Variants in CREB3L3 observed in about 807,000 individuals in gnomAD.
CREB3L3 encodes the protein cAMP responsive element binding protein 3 like 3, also known as cyclic AMP-responsive element-binding protein 3-like protein 3.
A neutral mutation model predicts 44.6 loss-of-function variants in CREB3L3; 40 were observed. The ratio of observed to expected loss-of-function variants is 0.90; its 90% CI spans 0.70 to 1.17. The LOEUF is 1.17. CREB3L3 is among the 50% of genes most tolerant of loss of function. The pLI is 0.00. For synonymous variants in CREB3L3, 273 were observed against 256.3 expected, an observed-to-expected ratio of 1.06 and a Z score of -0.62; for missense variants, 578 against 595.8, an observed-to-expected ratio of 0.97 and a Z score of 0.31.
intron 4 of CREB3L3, among the ~76,000 whole-genome samples, chr19:4,162,231 C>T (rs2041670184): frequency 6.6e-6 from 1 of 151,956 alleles, no homozygotes; most frequent in Non-Finnish European, 1.5e-5. Flanking sequence ...GTCTCGATCT[C>T]CTGACATCAG....
chr19:4,154,625 C>T (rs957488260), intron 1 of CREB3L3, among the ~76,000 whole-genome samples: 5 of 152,076 alleles, frequency 3.3e-5, no homozygotes, highest in African/African-American at 7.2e-5. Context: ...CCTCCTGCCC[C>T]GGCCTCCCAA....
chr19:4,158,892 G>A lies in CREB3L3; in HGVS notation c.458-772G>A, dbSNP rs926970380. Reference sequence around the variant, plus strand: ...CTGCCCAACCAGGATTAGAACCAAGGGTTACCTGACCCAAAGTTTGTGTGC... The same window carrying A: ...CTGCCCAACCAGGATTAGAACCAAGAGTTACCTGACCCAAAGTTTGTGTGC... On this transcript the variant is annotated intron_variant, in intron 3 of 9. Coordinates refer to ENST00000078445, the MANE Select transcript of CREB3L3 (RefSeq NM_032607.3). Among the ~76,000 whole-genome samples the A allele has an allele frequency of 3.3e-5, 5 of 152,144 alleles. No individual in the cohort carries two copies. In the South Asian group the frequency reaches 1.0e-3, roughly 32 times the overall value.
chr19:4,158,787 G>A (rs988657306), intron 3 of CREB3L3, among the ~76,000 whole-genome samples: 2 of 145,812 alleles, frequency 1.4e-5, no homozygotes, highest in African/African-American at 2.6e-5. Context: ...GCGACAGAGC[G>A]AGACTCCGTC....
chr19:4,168,113 C>T (rs1966962116), intron 5 of CREB3L3, among the ~76,000 whole-genome samples: 2 of 151,896 alleles, frequency 1.3e-5, no homozygotes, highest in African/African-American at 4.8e-5. Flanking sequence ...ATTCTCCTGC[C>T]TCAGCCTCCC....
Position 4,165,802 on chromosome 19 carries a change from G to C in CREB3L3, c.714+1162G>C, listed in dbSNP as rs532046472. Among the ~76,000 whole-genome samples the C allele has an allele frequency of 8.5e-5, 13 of 152,156 alleles. No individual in the cohort carries two copies. The East Asian group carries it at 2.5e-3, about 29-fold the overall frequency. ...AGGCAGGAGGATCTCCCTTGAACCC[G>C]GGAGGTGGAGGTTGCAGTGAGCCGA... On this transcript the variant is annotated intron_variant, in intron 5 of 9. Coordinates refer to ENST00000078445, the MANE Select transcript of CREB3L3 (RefSeq NM_032607.3).
chr19:4,156,438 TG>T (rs2041578306), intron 2 of CREB3L3, among the ~76,000 whole-genome samples: 1 of 151,080 alleles, frequency 6.6e-6, no homozygotes, highest in Non-Finnish European at 1.5e-5. Context: ...CTGCCCGCCT[TG>T]GCCTCCCAAA....
Position 4,166,111 on chromosome 19 carries a change from CAGGT to C in CREB3L3, c.714+1472_714+1475del, listed in dbSNP as rs546606266. On this transcript the variant is annotated intron_variant, in intron 5 of 9. Coordinates refer to ENST00000078445, the MANE Select transcript of CREB3L3 (RefSeq NM_032607.3). ...TGTTTTTTTTTTTTTTCTATTGAGA[CAGGT>C]TCTGACTCTGTTGCCCAGGCTGGAG... Among the ~76,000 whole-genome samples the C allele has an allele frequency of 5.3e-5, 8 of 149,762 alleles. No homozygotes were observed. In the East Asian group the frequency reaches 1.6e-3, roughly 29 times the overall value.
At chr19:4,169,752 A>C (rs929552975) in intron 6 of CREB3L3, among the ~76,000 whole-genome samples, 1 of 151,156 alleles carries the variant, frequency 6.6e-6, no homozygotes, top group African/African-American at 2.4e-5. Context: ...GGCGCCCACC[A>C]CCACACCTGG....
intron 4 of CREB3L3, among the ~76,000 whole-genome samples, chr19:4,162,434 C>CA (rs542312877): frequency 3.6e-4 from 45 of 124,180 alleles, no homozygotes; most frequent in Middle Eastern, 5.9e-3. Flanking sequence ...AACAACGATA[C>CA]AAAAAAAAAT....
At chr19:4,164,741 C>T (rs1676910498) in intron 5 of CREB3L3, 101 bp downstream of exon 5, 2 of 1,377,646 alleles carry the variant, frequency 1.5e-6, no homozygotes, top group East Asian at 2.5e-5. Context: ...TAGAGTCTTT[C>T]TCTGTCACTG....
chr19:4,157,441 C>T, intron 3 of CREB3L3, 146 bp downstream of exon 3: 1 of 855,120 alleles, frequency 1.2e-6, no homozygotes, highest in Non-Finnish European at 1.9e-6. Context: ...AAACTCAGGA[C>T]ACGTGTCTCC....
At chr19:4,170,878 C>A (rs1422842890) in intron 7 of CREB3L3, among the ~76,000 whole-genome samples, 5 of 151,842 alleles carry the variant, frequency 3.3e-5, no homozygotes, top group Admixed American at 3.3e-4. Flanking sequence ...ACCACTCACT[C>A]CAGCCTGGGC....
chr19:4,167,973 T>TTTTA (rs58194210), intron 5 of CREB3L3, among the ~76,000 whole-genome samples: 36,225 of 144,682 alleles, frequency 0.25, 5,058 homozygotes, highest in Middle Eastern at 0.37. Context: ...ATTTTAATTA[T>TTTTA]TTTATTTATT....
At chr19:4,158,225 C>T (rs550149693) in intron 3 of CREB3L3, among the ~76,000 whole-genome samples, 6 of 151,688 alleles carry the variant, frequency 4.0e-5, no homozygotes, top group Admixed American at 6.6e-5. Context: ...AGGCCCGGAG[C>T]GGTGACTCAT....
intron 4 of CREB3L3, among the ~76,000 whole-genome samples, chr19:4,161,251 C>T (rs1443615882): frequency 6.6e-6 from 1 of 151,054 alleles, no homozygotes; most frequent in African/African-American, 2.4e-5. Context: ...CGTGAGCCAC[C>T]GTGCCCCGTT....
At chr19:4,157,385 C>T (rs1172913818) in intron 3 of CREB3L3, 90 bp downstream of exon 3, 1 of 1,433,356 alleles carries the variant, frequency 7.0e-7, no homozygotes, top group Non-Finnish European at 9.8e-7. Context: ...AGAGGGCTGG[C>T]ATCTTGTCCA....
chr19:4,155,073 G>A (rs768493449), intron 2 of CREB3L3, 46 bp downstream of exon 2: 40 of 1,598,760 alleles, frequency 2.5e-5, no homozygotes, highest in Admixed American at 3.3e-5. Flanking sequence ...AGCTCCAGGC[G>A]GGCCAACTGA....
At position 4,172,621 on chromosome 19, in the gene CREB3L3, AC is replaced by A. The variant is rs1967081891; in HGVS notation, c.*653del. ...AACAGACCCAGACAAACAGACAGAC[AC>A]AGCCTGAAACAGACCCAGACACAGC... On this transcript the variant is annotated 3_prime_UTR_variant, in exon 10 of 10. Coordinates refer to ENST00000078445, the MANE Select transcript of CREB3L3 (RefSeq NM_032607.3). 4.4e-6 allele frequency: 1 copy of A among 228,412 alleles called. No individual in the cohort carries two copies. Among genetic ancestry groups the A allele is most frequent in the Non-Finnish European group, 8.6e-6 (1 of 115,750 alleles). The allele number at this position is 228,412 out of a possible 1,614,324, so 14.1% of individuals were successfully genotyped here.
chr19:4,158,354 G>A lies in CREB3L3; in HGVS notation c.457+1059G>A, dbSNP rs577638242. On this transcript the variant is annotated intron_variant, in intron 3 of 9. Coordinates refer to ENST00000078445, the MANE Select transcript of CREB3L3 (RefSeq NM_032607.3). ...CTCTACTAAAAATACAAAATTAGCC[G>A]GGCATGGTGGGGGCCACCTGTAGTC... 7.2e-5 allele frequency among the ~76,000 whole-genome samples: 11 copies of A among 151,764 alleles called. No individual in the cohort carries two copies. The South Asian group carries it at 1.2e-3, about 17-fold the overall frequency.
Sources: gnomAD v4.1 joint callset for allele counts (sites outside exome capture counted in the v4.1 genomes callset) on GRCh38, gnomAD v4.1.1 for gene constraint, MANE v1.5 for transcripts, NCBI Gene and HGNC (gene_info 2026-07-23, HGNC 2026-07-21) for gene names.